Variants in TOP1 observed in about 807,000 individuals in gnomAD.
TOP1 encodes DNA topoisomerase 1.
Under a neutral mutation model 111.1 loss-of-function variants are expected in TOP1, and 10 were observed. The ratio of observed to expected loss-of-function variants is 0.09; its 90% confidence interval spans 0.06 to 0.15. The LOEUF is 0.15. TOP1 is among the 10% of genes least tolerant of loss of function. TOP1 has a pLI of 1.00. For missense variants in TOP1, 474 were observed against 926.7 expected (o/e 0.51, Z 6.34); for synonymous variants, 271 against 302.9 (o/e 0.89, Z 1.10).
Position 41,121,981 on chromosome 20 carries a change from C to G in TOP1, c.2046-25C>G. ...TCTTGTCTAGAGCCCAGGCCTGGTT[C>G]TTGAGGACTTTGCTATTCTTCTAGG... On this transcript the variant is annotated intron_variant, in intron 19 of 20. Transcript: ENST00000361337. The surrounding 1 kb of genome is among the most constrained non-coding windows in gnomAD (Gnocchi z 4.2). 6.2e-7 allele frequency: 1 copy of G among 1,612,906 alleles called. No homozygotes were observed. Among genetic ancestry groups the G allele is most frequent in the Non-Finnish European group, 8.5e-7 (1 of 1,179,534 alleles).
Position 41,080,284 on chromosome 20 carries a change from G to C in TOP1, c.431+104G>C. On this transcript the variant is annotated intron_variant, in intron 6 of 20. Coordinates refer to ENST00000361337, the MANE Select transcript of TOP1 (RefSeq NM_003286.4). The surrounding 1 kb of genome is among the most constrained non-coding windows in gnomAD (Gnocchi z 5.0). ...AATACATATAGAAACTGCATTAATT[G>C]GCTTTTACTCATTTGGAATTTGTGA... 1.5e-6 allele frequency: 1 copy of C among 663,792 alleles called. No homozygotes were observed. Among genetic ancestry groups the C allele is most frequent in the Non-Finnish European group, 2.5e-6 (1 of 397,768 alleles). The allele number at this position is 663,792 out of a possible 1,614,324, so 41.1% of individuals were successfully genotyped here. A position where few individuals can be genotyped will look rare whatever the true frequency, so the allele number is the denominator to read the frequency against.
At position 41,123,990 on chromosome 20, in the gene TOP1, A is replaced by G; in HGVS notation, c.*693A>G. 8.6e-6 allele frequency: 2 copies of G among 232,780 alleles called. No individual in the cohort carries two copies. Among genetic ancestry groups the G allele is most frequent in the South Asian group, 3.6e-4 (2 of 5,484 alleles). 14.4% of individuals were successfully genotyped at this position (232,780 alleles called of 1,614,324 possible). A position where few individuals can be genotyped will look rare whatever the true frequency, so the allele number is the denominator to read the frequency against. On this transcript the variant is annotated 3_prime_UTR_variant, in exon 21 of 21. Transcript: ENST00000361337. The surrounding 1 kb of genome is among the most constrained non-coding windows in gnomAD (Gnocchi z 5.8). Reference sequence around the variant, plus strand: ...TTAAAATATTTAAACCTTTTTCTTGATCTTAAAGATCGTGTAGATTGGGGT... The same window carrying G: ...TTAAAATATTTAAACCTTTTTCTTGGTCTTAAAGATCGTGTAGATTGGGGT...
In TOP1 at chr20:41,114,190, T is replaced by C. The variant is rs1003184706; in HGVS notation, c.1638+35T>C. On this transcript the variant is annotated intron_variant, in intron 15 of 20. Coordinates refer to ENST00000361337, the MANE Select transcript of TOP1 (RefSeq NM_003286.4). The surrounding 1 kb of genome is among the most constrained non-coding windows in gnomAD (Gnocchi z 4.5). ...TGTACCTGTACTGTCTGACTTGTTT[T>C]CCATTATTCAACAAGCATGGGTTGA... 35 of 1,565,336 alleles carry C rather than the reference T, an allele frequency of 2.2e-5. No individual in the cohort carries two copies. The highest frequency in any genetic ancestry group is 3.0e-5 in the Non-Finnish European group (34 of 1,146,212).
rs1271875921 is a variant in TOP1, at chr20:41,071,427, C to T, written c.156-4744C>T. On this transcript the variant is annotated intron_variant, in intron 3 of 20. Coordinates refer to ENST00000361337, the MANE Select transcript of TOP1 (RefSeq NM_003286.4). The surrounding 1 kb of genome is among the most constrained non-coding windows in gnomAD (Gnocchi z 4.3). ...TGGCGTGATCTCGGCTCACTGCAGCCTCTGTCTCCCTGGTTCAAGTGATTC... is the reference window on the plus strand; with the variant it reads ...TGGCGTGATCTCGGCTCACTGCAGCTTCTGTCTCCCTGGTTCAAGTGATTC... Among the ~76,000 whole-genome samples the T allele has an allele frequency of 2.6e-5, 4 of 152,032 alleles. No homozygotes were observed. The highest frequency in any genetic ancestry group is 9.7e-5 in the African/African-American group (4 of 41,368).
chr20:41,049,725 A>G (rs757051701), intron 2 of TOP1, among the ~76,000 whole-genome samples: 12 of 152,236 alleles, frequency 7.9e-5, no homozygotes, highest in Admixed American at 1.3e-4. Flanking sequence ...TTGTATTTCA[A>G]CACTTAAGTG....
intron 2 of TOP1, among the ~76,000 whole-genome samples, chr20:41,036,416 A>G (rs1444707279): frequency 6.6e-6 from 1 of 152,340 alleles, no homozygotes; most frequent in South Asian, 2.1e-4. Flanking sequence ...ACATGATCTG[A>G]CCACTGAACC....
rs114357352 is a variant in TOP1, at chr20:41,032,907, G to T, written c.58+3452G>T. Among the ~76,000 whole-genome samples the T allele has an allele frequency of 2.3e-3, 343 of 152,198 alleles. 4 individuals carry two copies. The highest frequency in any genetic ancestry group is 7.9e-3 in the African/African-American group (327 of 41,514). ...ACATTTTTAAAACTGAAAAGTGATG[G>T]TACCGCCAAATGAAATCTGCAGCAT... is the stretch of plus-strand genomic sequence containing the variant. On this transcript the variant is annotated intron_variant, in intron 2 of 20. Transcript: ENST00000361337. This position sits in a 1 kb window ranked among gnomAD's most constrained non-coding sequence, Gnocchi z 4.3.
rs1308284904 is a variant in TOP1 at position 41,071,136 on chromosome 20, C to T, written c.156-5035C>T. On this transcript the variant is annotated intron_variant, in intron 3 of 20. Coordinates refer to ENST00000361337, the MANE Select transcript of TOP1 (RefSeq NM_003286.4). This position sits in a 1 kb window ranked among gnomAD's most constrained non-coding sequence, Gnocchi z 4.3. ...TGTTGTGGTAGCGGTGGTCTTTTTT[C>T]CTAAAGAAACAGTGCTTCGCCAGAA... Among the ~76,000 whole-genome samples, 1 of 151,902 alleles carries T rather than the reference C, an allele frequency of 6.6e-6. No homozygotes were observed. The highest frequency in any genetic ancestry group is 6.6e-5 in the Admixed American group (1 of 15,252).
At chr20:41,099,054 C>T (rs185608310) in intron 11 of TOP1, among the ~76,000 whole-genome samples, 1 of 152,234 alleles carries the variant, frequency 6.6e-6, no homozygotes, top group African/African-American at 2.4e-5. Flanking sequence ...TTTTACCAAT[C>T]GGAAGTCCAG....
intron 18 of TOP1, among the ~76,000 whole-genome samples, chr20:41,120,348 T>C (rs2145972364): frequency 6.6e-6 from 1 of 152,332 alleles, no homozygotes; most frequent in Non-Finnish European, 1.5e-5. Context: ...CTGTTTCCAA[T>C]CTTGGGCTGT....
chr20:41,072,238 C>T (rs1226004492), intron 3 of TOP1: 1 of 985,050 alleles, frequency 1.0e-6, no homozygotes, highest in Non-Finnish European at 1.2e-6. Context: ...GTGACTTTGA[C>T]ATATTGTGTC....
chr20:41,055,579 T>C (rs978993260), intron 2 of TOP1, among the ~76,000 whole-genome samples: 2 of 152,224 alleles, frequency 1.3e-5, no homozygotes, highest in African/African-American at 4.8e-5. Flanking sequence ...TTCTCCAGTA[T>C]TTTTCACCAT....
intron 3 of TOP1, among the ~76,000 whole-genome samples, chr20:41,066,453 C>T (rs571630660): frequency 6.6e-6 from 1 of 152,056 alleles, no homozygotes; most frequent in South Asian, 2.1e-4. Context: ...TACAGATGTG[C>T]AGAGATGACA....
At position 41,091,657 on chromosome 20, in the gene TOP1, A is replaced by G. The variant is rs543541608; in HGVS notation, c.615-815A>G. Among the ~76,000 whole-genome samples, 5 of 146,292 alleles carry G rather than the reference A, an allele frequency of 3.4e-5. No homozygotes were observed. The Admixed American group carries it at 3.6e-4, about 11-fold the overall frequency. ...CTGCAACCTCTGCCTCCTGGGTTCAAGCAATTCTCGTGCCTCAGCCTCCTG... is the reference window on the plus strand; with the variant it reads ...CTGCAACCTCTGCCTCCTGGGTTCAGGCAATTCTCGTGCCTCAGCCTCCTG... On this transcript the variant is annotated intron_variant, in intron 8 of 20. Transcript: ENST00000361337.
chr20:41,085,990 C>T (rs6124312), intron 8 of TOP1, among the ~76,000 whole-genome samples: 18,733 of 152,224 alleles, frequency 0.12, 1,412 homozygotes, highest in South Asian at 0.24. Context: ...AGGCCAGGCA[C>T]AGTGGCTCGT....
chr20:41,089,382 A>G (rs1036224087), intron 8 of TOP1, among the ~76,000 whole-genome samples: 6 of 151,992 alleles, frequency 3.9e-5, no homozygotes, highest in Non-Finnish European at 8.8e-5. Flanking sequence ...GAATTTGACT[A>G]CTTTAGGTAC....
chr20:41,094,913 C>T lies in TOP1; in HGVS notation c.731-2307C>T, dbSNP rs2033963846. ...CATTGCCAGGAACCTTCCAGTCATC[C>T]TCCCACTACTCTGATGCAGGGAGCC... On this transcript the variant is annotated intron_variant, in intron 9 of 20. Coordinates refer to ENST00000361337, the MANE Select transcript of TOP1 (RefSeq NM_003286.4). This position sits in a 1 kb window ranked among gnomAD's most constrained non-coding sequence, Gnocchi z 4.4. Among the ~76,000 whole-genome samples, 3 of 152,158 alleles carry T rather than the reference C, an allele frequency of 2.0e-5. No individual in the cohort carries two copies. The highest frequency in any genetic ancestry group is 2.0e-4 in the Admixed American group (3 of 15,276).
intron 2 of TOP1, among the ~76,000 whole-genome samples, chr20:41,036,408 A>G (rs1331257909): frequency 1.3e-5 from 2 of 152,242 alleles, no homozygotes; most frequent in South Asian, 4.1e-4. Flanking sequence ...CCTATGAAAC[A>G]TGATCTGACC....
Position 41,061,884 on chromosome 20 carries a change from A to G in TOP1, c.155+394A>G, listed in dbSNP as rs954960849. On this transcript the variant is annotated intron_variant, in intron 3 of 20. Transcript: ENST00000361337. The surrounding 1 kb of genome is among the most constrained non-coding windows in gnomAD (Gnocchi z 4.6). ...TATATTTTAAAGAGTTTACATTAAA[A>G]ATTCTTAACTTGGGCTTCCATGGTC... is the stretch of plus-strand genomic sequence containing the variant. Among the ~76,000 whole-genome samples, 14 of 152,156 alleles carry G rather than the reference A, an allele frequency of 9.2e-5. No individual in the cohort carries two copies. Among genetic ancestry groups the G allele is most frequent in the African/African-American group, 2.9e-4 (12 of 41,424 alleles).
Sources: gnomAD v4.1 joint callset for allele counts (sites outside exome capture counted in the v4.1 genomes callset) on GRCh38, gnomAD v4.1.1 for gene constraint, Gnocchi (gnomAD v3.1) non-coding constraint, MANE v1.5 for transcripts, NCBI Gene and HGNC (gene_info 2026-07-23, HGNC 2026-07-21) for gene names.